The following THBS2 variants were observed in gnomAD, a reference collection of about 807,000 sequenced individuals.
THBS2 encodes the protein thrombospondin 2.
In THBS2, 47 loss-of-function variants were observed where a neutral mutation model predicts 135.2. The observed-to-expected ratio is 0.35, with a 90% confidence interval of 0.28 to 0.44. THBS2 has a LOEUF of 0.44. Ranked by LOEUF, THBS2 falls within the 20% of genes least tolerant of loss-of-function variation. The pLI, the probability that THBS2 is intolerant of heterozygous loss-of-function variation, is 1.00. For synonymous variants in THBS2, 639 were observed against 633.8 expected (o/e 1.01, Z -0.12); for missense variants, 1,288 against 1,603.1 (o/e 0.80, Z 3.36).
chr6:169,222,161 C>A (rs1442105918), intron 19 of THBS2, 36 bp downstream of exon 19: 1 of 1,564,534 alleles, frequency 6.4e-7, no homozygotes, highest in Non-Finnish European at 8.6e-7. Flanking sequence ...CACAGTGGTG[C>A]AGAGGAGATG....
At position 169,216,071 on chromosome 6, in the gene THBS2, CTGT is replaced by C. The variant is rs1779161165; in HGVS notation, c.*1748_*1750del. 1 of 152,248 alleles carries C rather than the reference CTGT, an allele frequency of 6.6e-6. No individual in the cohort carries two copies. The highest frequency in any genetic ancestry group is 2.4e-5 in the African/African-American group (1 of 41,444). The allele number at this position is 152,248 out of a possible 1,614,324, so 9.4% of individuals were successfully genotyped here. A position where few individuals can be genotyped will look rare whatever the true frequency, so the allele number is the denominator to read the frequency against. On this transcript the variant is annotated 3_prime_UTR_variant, in exon 22 of 22. Transcript: ENST00000617924. ...AACACAGAAACAGAAAACCTGCACG[CTGT>C]TGACAGTCGCTACATTTAATGAAGT...
chr6:169,242,032 GGAT>G, intron 4 of THBS2, 74 bp from the exon 5 acceptor site: 1 of 1,506,158 alleles, frequency 6.6e-7, no homozygotes, highest in Non-Finnish European at 8.9e-7. Flanking sequence ...AACAGAGGGA[GGAT>G]GACCCGCCCT....
At position 169,252,611 on chromosome 6, in the gene THBS2, C is replaced by T. The variant is rs181560063; in HGVS notation, c.-23+1113G>A. 3.9e-5 allele frequency among the ~76,000 whole-genome samples: 6 copies of T among 152,304 alleles called. No homozygotes were observed. The East Asian group carries it at 5.8e-4, about 15-fold the overall frequency. The stretch of plus-strand genomic sequence containing the variant: ...GAGGCTAACAAAGCATCCCCTGCTG[C>T]GGATTGTCAAAGGACAGTGAGGCTC... On this transcript the variant is annotated intron_variant, in intron 1 of 21. Transcript: ENST00000617924. This position sits in a 1 kb window ranked among gnomAD's most constrained non-coding sequence, Gnocchi z 4.3.
At chr6:169,233,122 A>C in intron 10 of THBS2, 105 bp from the exon 11 acceptor site, 2 of 1,398,596 alleles carry the variant, frequency 1.4e-6, no homozygotes, top group Non-Finnish European at 1.9e-6. Flanking sequence ...TTGTCATCGA[A>C]TTGTGTAGTC....
At position 169,216,662 on chromosome 6, in the gene THBS2, A is replaced by G. The variant is rs1015722974; in HGVS notation, c.*1160T>C. 5 of 151,656 alleles carry G rather than the reference A, an allele frequency of 3.3e-5. No individual in the cohort carries two copies. Among genetic ancestry groups the G allele is most frequent in the Non-Finnish European group, 5.9e-5 (4 of 67,808 alleles). 9.4% of individuals were successfully genotyped at this position (151,656 alleles called of 1,614,324 possible). On this transcript the variant is annotated 3_prime_UTR_variant, in exon 22 of 22. Transcript: ENST00000617924. ...TATGTATTCTGTTACAGCTTCTAGC[A>G]TGCTTCATCGTGACAACCTAATATT...
At chr6:169,233,983 A>C (rs568118864) in intron 10 of THBS2, among the ~76,000 whole-genome samples, 1 of 146,164 alleles carries the variant, frequency 6.8e-6, no homozygotes, top group East Asian at 2.0e-4. Flanking sequence ...ATGCAAGGTG[A>C]CACACCACAC....
chr6:169,232,763 G>C lies in THBS2; in HGVS notation c.1833C>G (p.Val611=). Residue 611 remains valine (V), a synonymous_variant, in exon 12 of 22, where the codon GTC becomes GTG. Coordinates refer to ENST00000617924, the MANE Select transcript of THBS2 (RefSeq NM_003247.5). ...CFSTSKVPRC[V]NTQPGFHCLP... is the part of the protein sequence containing the mutation. ...GGCAGTGGAAGCCAGGCTGAGTGTT[G>C]ACACAGCGAGGCACCTTGCTGGTGG... is the stretch of plus-strand genomic sequence containing the variant. 6.2e-7 allele frequency: 1 copy of C among 1,614,028 alleles called. No individual in the cohort carries two copies. Among genetic ancestry groups the C allele is most frequent in the Non-Finnish European group, 8.5e-7 (1 of 1,179,940 alleles).
At chr6:169,217,949 TATGGATGG>T (rs577755228) in intron 21 of THBS2, 120 bp from the exon 22 acceptor site, 64 of 943,128 alleles carry the variant, frequency 6.8e-5, no homozygotes, top group Middle Eastern at 3.4e-4. Context: ...AGATCTATCA[TATGGATGG>T]ATGGATGGAT....
intron 9 of THBS2, 102 bp from the exon 10 acceptor site, chr6:169,235,009 T>C (rs936755814): frequency 1.7e-6 from 2 of 1,195,702 alleles, no homozygotes; most frequent in Non-Finnish European, 2.3e-6. Context: ...TGGTGTTCCC[T>C]ACACAGCCCC....
chr6:169,231,854 A>G, intron 13 of THBS2, 126 bp downstream of exon 13: 1 of 899,980 alleles, frequency 1.1e-6, no homozygotes, highest in African/African-American at 1.7e-5. Context: ...ATCAGGCAAG[A>G]GGCCTGAGAG....
chr6:169,246,217 C>G lies in THBS2; in HGVS notation c.674G>C (p.Gly225Ala). The G allele has an allele frequency of 1.2e-6, 2 of 1,613,956 alleles. No homozygotes were observed. Among genetic ancestry groups the G allele is most frequent in the Non-Finnish European group, 1.7e-6 (2 of 1,179,996 alleles). ...NSVEDILSKK[G>A]CQQGQGAEIN... ...CCTACCTCCCTGGCCTTGCTGGCAA[C>G]CCTTCTTGCTTAGAATATCTTCCAC... The change falls in exon 4 of 22, where the codon GGT (glycine) becomes GCT (alanine). Residue 225 changes from glycine (G) to alanine (A), a missense_variant. Gly to Ala is a moderately conservative substitution (Grantham distance 60, BLOSUM62 0). Transcript: ENST00000617924.
chr6:169,236,321 T>TCATTCCCATCCA (rs1780064183), intron 9 of THBS2, among the ~76,000 whole-genome samples: 1 of 49,580 alleles, frequency 2.0e-5, no homozygotes, highest in Non-Finnish European at 4.0e-5. Context: ...CCATCCACAC[T>TCATTCCCATCCA]CACTCCCCCA....
rs919717779 is a variant in THBS2, at chr6:169,222,397, C to T, written c.3073G>A (p.Ala1025Thr). The change falls in exon 19 of 22, where the codon GCC becomes ACC. Residue 1025 changes from alanine (A) to threonine (T), a missense_variant. Physicochemically the swap from Ala to Thr is moderately conservative, Grantham distance 58. Coordinates refer to ENST00000617924, the MANE Select transcript of THBS2 (RefSeq NM_003247.5). ...YVNTDRDDDY[A>T]GFVFGYQSSS... Reference sequence around the variant, plus strand: ...GACTGGTAACCAAAGACGAAGCCGGCATAGTCGTCGTCCCGGTCAGTGTTT... The same window carrying T: ...GACTGGTAACCAAAGACGAAGCCGGTATAGTCGTCGTCCCGGTCAGTGTTT... 6.2e-7 allele frequency: 1 copy of T among 1,613,606 alleles called. No homozygotes were observed. Among genetic ancestry groups the T allele is most frequent in the African/African-American group, 1.3e-5 (1 of 74,928 alleles).
At chr6:169,247,493 G>A (rs1780590614) in intron 3 of THBS2, among the ~76,000 whole-genome samples, 1 of 151,572 alleles carries the variant, frequency 6.6e-6, no homozygotes, top group Admixed American at 6.6e-5. Context: ...GTGGTTCTGT[G>A]TATGCATCTA....
rs772802073 is a variant in THBS2 at position 169,217,785 on chromosome 6, A to C, written c.*37T>G. The C allele has an allele frequency of 6.2e-7, 1 of 1,610,602 alleles. No homozygotes were observed. Among genetic ancestry groups the C allele is most frequent in the Non-Finnish European group, 8.5e-7 (1 of 1,178,658 alleles). ...AACTGAGGTGTCTAGGGACCATGGCATGCACAGGGCATTGCCGGAAATGCA... is the reference window on the plus strand; with the variant it reads ...AACTGAGGTGTCTAGGGACCATGGCCTGCACAGGGCATTGCCGGAAATGCA... On this transcript the variant is annotated 3_prime_UTR_variant, in exon 22 of 22. Transcript: ENST00000617924.
chr6:169,225,026 A>C, intron 17 of THBS2, 119 bp downstream of exon 17: 1 of 989,888 alleles, frequency 1.0e-6, no homozygotes, highest in East Asian at 2.4e-5. Flanking sequence ...AGAGGCCCAA[A>C]GTCATTGCCC....
intron 19 of THBS2, among the ~76,000 whole-genome samples, chr6:169,221,906 T>C (rs1049705986): frequency 1.3e-5 from 2 of 152,252 alleles, no homozygotes; most frequent in African/African-American, 4.8e-5. Flanking sequence ...TTTTTCATAT[T>C]ATATCTTTGA....
Position 169,248,732 on chromosome 6 carries a change from G to T in THBS2, c.294C>A (p.Gly98=). ...AQLKQDGKSR[G]TLLALEGPGL... is the part of the protein sequence containing the mutation. ...CGGGGCCCTCCAGAGCCAACAGCGT[G>T]CCCCTGGACTTGCCGTCCTGCTTGA... Residue 98 remains glycine, a synonymous_variant, in exon 3 of 22, where the codon GGC becomes GGA. Transcript: ENST00000617924. The T allele has an allele frequency of 1.2e-6, 2 of 1,613,710 alleles. No homozygotes were observed. The highest frequency in any genetic ancestry group is 1.7e-6 in the Non-Finnish European group (2 of 1,180,012).
At chr6:169,237,446 G>T in intron 8 of THBS2, 100 bp from the exon 9 acceptor site, 1 of 1,510,394 alleles carries the variant, frequency 6.6e-7, no homozygotes, top group Non-Finnish European at 9.1e-7. Context: ...CACAGCTGCT[G>T]AGGAGAGGGA....
Sources: allele counts gnomAD v4.1 joint callset (sites outside exome capture counted in the v4.1 genomes callset), GRCh38; gene constraint gnomAD v4.1.1; non-coding constraint Gnocchi (gnomAD v3.1); transcripts MANE v1.5; gene names NCBI Gene and HGNC (gene_info 2026-07-23, HGNC 2026-07-21).